Variants in ST8SIA6 observed in about 807,000 individuals in gnomAD.
The protein encoded by ST8SIA6 is ST8 alpha-N-acetyl-neuraminide alpha-2,8-sialyltransferase 6, also known as alpha-2,8-sialyltransferase 8F.
In ST8SIA6, 39 loss-of-function variants were observed where a neutral mutation model predicts 33.6. The observed-to-expected ratio is 1.16, with a 90% CI of 0.90 to 1.52. The LOEUF is 1.52. ST8SIA6 is among the 40% of genes most tolerant of loss of function. ST8SIA6 has a pLI of 0.00. For synonymous variants in ST8SIA6, 172 were observed against 167.2 expected, an observed-to-expected ratio of 1.03 and a Z score of -0.22; for missense variants, 441 against 443.8, an observed-to-expected ratio of 0.99 and a Z score of 0.06.
chr10:17,341,899 T>TGAA (rs1848686192), intron 4 of ST8SIA6, among the ~76,000 whole-genome samples: 1 of 12,638 alleles, frequency 7.9e-5, no homozygotes, highest in Admixed American at 1.2e-3. Flanking sequence ...AGGCTCCATC[T>TGAA]CAAAAAAAAA....
intron 4 of ST8SIA6, among the ~76,000 whole-genome samples, chr10:17,344,684 ATATTCT>A (rs1848776050): frequency 1.3e-5 from 2 of 152,346 alleles, no homozygotes; most frequent in South Asian, 2.1e-4. Flanking sequence ...TTGTGATTAA[ATATTCT>A]TAAGCTGTGC....
chr10:17,454,193 G>A lies in ST8SIA6; in HGVS notation c.63C>T (p.Arg21=), dbSNP rs1003596524. The change falls in exon 1 of 8, where the codon CGC becomes CGT. Residue 21 remains arginine, a synonymous_variant. Transcript: ENST00000377602. This position sits in a 1 kb window ranked among gnomAD's most constrained non-coding sequence, Gnocchi z 4.1. The stretch of plus-strand genomic sequence containing the variant: ...GCGCGTCTGCCGGGCACCAGAGCAG[G>A]CGCAGCAGCAGCAGCAGCAGCAGGC... ...LASLLLLLLL[R]LLWCPADAPG... 20 of 284,956 alleles carry A rather than the reference G, an allele frequency of 7.0e-5. No individual in the cohort carries two copies. The highest frequency in any genetic ancestry group is 1.2e-4 in the Non-Finnish European group (18 of 155,366). 17.7% of individuals were successfully genotyped at this position (284,956 alleles called of 1,614,324 possible).
In ST8SIA6 at chr10:17,319,390, C is replaced by T. The variant is rs1408366740; in HGVS notation, c.*1488G>A. Among the ~76,000 whole-genome samples, 1 of 152,036 alleles carries T rather than the reference C, an allele frequency of 6.6e-6. No homozygotes were observed. The highest frequency in any genetic ancestry group is 1.5e-5 in the Non-Finnish European group (1 of 68,026). Reference sequence around the variant, plus strand: ...TGTTTAGCCAAAGATTTTTGGCTAACGTGAATCTAGGTAGGATTGTTGTAA... The same window carrying T: ...TGTTTAGCCAAAGATTTTTGGCTAATGTGAATCTAGGTAGGATTGTTGTAA... On this transcript the variant is annotated 3_prime_UTR_variant, in exon 8 of 8. Coordinates refer to ENST00000377602, the MANE Select transcript of ST8SIA6 (RefSeq NM_001004470.3).
chr10:17,374,748 A>AAAATATATATAT (rs1344895365), intron 3 of ST8SIA6, among the ~76,000 whole-genome samples: 30 of 67,598 alleles, frequency 4.4e-4, no homozygotes, highest in East Asian at 2.2e-3. Flanking sequence ...ATAAATAAAT[A>AAAATATATATAT]ATAAATATAT....
intron 4 of ST8SIA6, among the ~76,000 whole-genome samples, chr10:17,338,877 T>C (rs904388256): frequency 6.6e-6 from 1 of 152,168 alleles, no homozygotes; most frequent in Non-Finnish European, 1.5e-5. Flanking sequence ...AGGAAAGAAT[T>C]GAGACTTTCT....
intron 3 of ST8SIA6, among the ~76,000 whole-genome samples, chr10:17,387,407 A>T (rs1385191779): frequency 1.7e-5 from 2 of 117,828 alleles, no homozygotes; most frequent in Non-Finnish European, 3.3e-5. Flanking sequence ...ATGCGCCACC[A>T]CACCCAGCTC....
Position 17,359,576 on chromosome 10 carries a change from C to A in ST8SIA6, c.315G>T (p.Gln105His). The A allele has an allele frequency of 6.2e-7, 1 of 1,604,998 alleles. No homozygotes were observed. The highest frequency in any genetic ancestry group is 8.5e-7 in the Non-Finnish European group (1 of 1,176,688). ...TKGYSENDYL[Q>H]IITDIQSCPW... ...GACAACTCTGTATATCTGTGATAAT[C>A]TGAAGGTAGTCGTTCTCTGAATACC... The change falls in exon 4 of 8, where the codon CAG (glutamine) becomes CAT (histidine). Residue 105 changes from glutamine to histidine, a missense_variant. Gln to His is a conservative substitution (Grantham distance 24, BLOSUM62 0). Transcript: ENST00000377602.
intron 2 of ST8SIA6, among the ~76,000 whole-genome samples, chr10:17,442,825 C>T (rs1042171466): frequency 1.3e-5 from 2 of 152,148 alleles, no homozygotes; most frequent in African/African-American, 4.8e-5. Context: ...TAAACTCAGG[C>T]TATTTTGTCA....
At chr10:17,398,686 A>G (rs1850919063) in intron 2 of ST8SIA6, among the ~76,000 whole-genome samples, 1 of 152,364 alleles carries the variant, frequency 6.6e-6, no homozygotes, top group Middle Eastern at 3.4e-3. Context: ...AGAATGTTTT[A>G]ACAGACAGGG....
intron 4 of ST8SIA6, among the ~76,000 whole-genome samples, chr10:17,358,539 T>A (rs1422069495): frequency 6.6e-6 from 1 of 150,886 alleles, no homozygotes; most frequent in Non-Finnish European, 1.5e-5. Context: ...AGCACAAAAT[T>A]GGAATGGGAT....
chr10:17,380,178 G>A (rs1258901582), intron 3 of ST8SIA6, among the ~76,000 whole-genome samples: 2 of 152,128 alleles, frequency 1.3e-5, no homozygotes, highest in Non-Finnish European at 2.9e-5. Context: ...TGGACCTTGA[G>A]CTCACTTCCA....
intron 2 of ST8SIA6, among the ~76,000 whole-genome samples, chr10:17,406,403 T>A (rs1431692599): frequency 1.3e-5 from 2 of 152,166 alleles, no homozygotes; most frequent in Admixed American, 1.3e-4. Flanking sequence ...TTCCCCTTTG[T>A]CTTGTCACTT....
At chr10:17,357,188 G>A (rs1361289145) in intron 4 of ST8SIA6, among the ~76,000 whole-genome samples, 1 of 151,686 alleles carries the variant, frequency 6.6e-6, no homozygotes, top group Non-Finnish European at 1.5e-5. Context: ...AGGCTAGAGG[G>A]CAATGGCACA....
At position 17,318,765 on chromosome 10, in the gene ST8SIA6, A is replaced by G. The variant is rs752456193; in HGVS notation, c.*2113T>C. 4.3e-6 allele frequency: 2 copies of G among 468,626 alleles called. No individual in the cohort carries two copies. The highest frequency in any genetic ancestry group is 3.1e-5 in the South Asian group (2 of 64,162). 29.0% of individuals were successfully genotyped at this position (468,626 alleles called of 1,614,324 possible). ...GAAAAATTTGCAATGATTCACCAAT[A>G]CAGAACAAAAAGAACTGTGACTTAC... On this transcript the variant is annotated 3_prime_UTR_variant, in exon 8 of 8. Coordinates refer to ENST00000377602, the MANE Select transcript of ST8SIA6 (RefSeq NM_001004470.3).
chr10:17,452,813 T>C (rs1852963668), intron 2 of ST8SIA6, among the ~76,000 whole-genome samples: 1 of 152,064 alleles, frequency 6.6e-6, no homozygotes, highest in African/African-American at 2.4e-5. Context: ...ATGACAGGTA[T>C]AGGTCTAGGA....
chr10:17,341,926 A>AC (rs1564410311), intron 4 of ST8SIA6, among the ~76,000 whole-genome samples: 2 of 150,118 alleles, frequency 1.3e-5, no homozygotes, highest in African/African-American at 4.9e-5. Context: ...AAAAAACAAA[A>AC]AGAAAGAAAG....
intron 3 of ST8SIA6, among the ~76,000 whole-genome samples, chr10:17,386,726 C>T (rs915116328): frequency 6.6e-6 from 1 of 152,108 alleles, no homozygotes; most frequent in African/African-American, 2.4e-5. Context: ...CATTTCAGGC[C>T]GAGGCCTAAA....
rs1435260035 is a variant in ST8SIA6 at position 17,319,687 on chromosome 10, T to C, written c.*1191A>G. On this transcript the variant is annotated 3_prime_UTR_variant, in exon 8 of 8. Coordinates refer to ENST00000377602, the MANE Select transcript of ST8SIA6 (RefSeq NM_001004470.3). ...TAGGATATTATATGGGAAAAAAAAG[T>C]AAGCTCTAAATGTCCTAACTATATG... Among the ~76,000 whole-genome samples the C allele has an allele frequency of 6.6e-6, 1 of 152,204 alleles. No individual in the cohort carries two copies. The highest frequency in any genetic ancestry group is 2.4e-5 in the African/African-American group (1 of 41,466).
chr10:17,394,272 G>T (rs1850722586), intron 2 of ST8SIA6, among the ~76,000 whole-genome samples: 1 of 151,738 alleles, frequency 6.6e-6, no homozygotes, highest in Admixed American at 6.6e-5. Flanking sequence ...GGACCAAACA[G>T]GGTCTTCAGA....
Sources: allele counts gnomAD v4.1 joint callset (sites outside exome capture counted in the v4.1 genomes callset), GRCh38; gene constraint gnomAD v4.1.1; non-coding constraint Gnocchi (gnomAD v3.1); transcripts MANE v1.5; gene names NCBI Gene and HGNC (gene_info 2026-07-23, HGNC 2026-07-21).